The following ATP9B variants were observed in gnomAD, a reference collection of about 807,000 sequenced individuals.
ATP9B encodes the protein ATPase phospholipid transporting 9B.
A neutral mutation model predicts 146.1 loss-of-function variants in ATP9B; 110 were observed. The ratio of observed to expected loss-of-function variants is 0.75; its 90% CI spans 0.65 to 0.88. The LOEUF (loss-of-function observed/expected upper bound fraction) is 0.88. Among genes scored for constraint, ATP9B ranks in the 40% least tolerant of loss-of-function variants. The pLI is 0.00. For missense variants in ATP9B, 1,499 were observed against 1,496.4 expected, an observed-to-expected ratio of 1.00 and a Z score of -0.03; for synonymous variants, 604 against 569.7, an observed-to-expected ratio of 1.06 and a Z score of -0.86.
intron 1 of ATP9B, among the ~76,000 whole-genome samples, chr18:79,071,398 C>CTTTT (rs747150962): frequency 1.3e-4 from 3 of 22,412 alleles, no homozygotes; most frequent in Non-Finnish European, 1.6e-4. Flanking sequence ...TATTGTTCTT[C>CTTTT]CTTTTTTTTT....
intron 8 of ATP9B, among the ~76,000 whole-genome samples, chr18:79,187,973 C>G (rs1049228273): frequency 6.6e-6 from 1 of 152,092 alleles, no homozygotes; most frequent in African/African-American, 2.4e-5. Context: ...TTACAACTCT[C>G]CAGTCCCTTT....
intron 10 of ATP9B, among the ~76,000 whole-genome samples, chr18:79,212,480 T>G (rs1036968148): frequency 1.3e-5 from 2 of 152,238 alleles, no homozygotes; most frequent in African/African-American, 4.8e-5. Flanking sequence ...GCAAAGCCTT[T>G]TCTGAGATTT....
chr18:79,265,364 T>G (rs2096192049), intron 12 of ATP9B, among the ~76,000 whole-genome samples: 1 of 152,190 alleles, frequency 6.6e-6, no homozygotes, highest in South Asian at 2.1e-4. Flanking sequence ...TGGGCTGGTC[T>G]CAAACTCCTG....
intron 9 of ATP9B, among the ~76,000 whole-genome samples, chr18:79,199,173 G>A (rs533423528): frequency 2.6e-5 from 4 of 151,798 alleles, no homozygotes; most frequent in South Asian, 4.2e-4. Flanking sequence ...GGCTGGTCTC[G>A]AACTCCTGAC....
intron 25 of ATP9B, chr18:79,353,458 G>T (rs1028965094): frequency 2.6e-5 from 4 of 152,260 alleles, no homozygotes; most frequent in Non-Finnish European, 5.9e-5. Flanking sequence ...GAGCTGCATT[G>T]TGTCCATAGT....
chr18:79,344,352 G>A lies in ATP9B; in HGVS notation c.2470G>A (p.Glu824Lys). Residue 824 changes from glutamate to lysine, a missense_variant and splice_region_variant, in exon 21 of 30, where the codon GAG (glutamate) becomes AAG (lysine). By Grantham distance (56) the Glu-to-Lys change is moderately conservative. Coordinates refer to ENST00000426216, the MANE Select transcript of ATP9B (RefSeq NM_198531.5). ...ACTAGTCATATCTGGGGACTCTCTG[G>A]AGGTAAGGCTGGACCCTGAGTGAGT... ...CALVISGDSL[E>K]VCLKYYEHEF... 1 of 1,614,118 alleles carries A rather than the reference G, an allele frequency of 6.2e-7. No homozygotes were observed. The highest frequency in any genetic ancestry group is 8.5e-7 in the Non-Finnish European group (1 of 1,179,964).
At chr18:79,294,811 G>A (rs1016604337) in intron 13 of ATP9B, among the ~76,000 whole-genome samples, 36 of 152,156 alleles carry the variant, frequency 2.4e-4, no homozygotes, top group African/African-American at 4.8e-4. Context: ...TTTCAGCAGC[G>A]CCAAGAGGAG....
chr18:79,106,795 G>C (rs2075678537), intron 2 of ATP9B, among the ~76,000 whole-genome samples: 1 of 152,226 alleles, frequency 6.6e-6, no homozygotes, highest in Non-Finnish European at 1.5e-5. Context: ...TCGAGTGAGA[G>C]TGATGTCAGT....
chr18:79,072,756 A>G (rs1040293906), intron 1 of ATP9B, among the ~76,000 whole-genome samples: 13 of 138,846 alleles, frequency 9.4e-5, no homozygotes, highest in Admixed American at 2.1e-4. Context: ...CCCACCTCCC[A>G]GACGGGGCGG....
At chr18:79,325,588 C>G (rs1315119860) in intron 15 of ATP9B, among the ~76,000 whole-genome samples, 1 of 152,194 alleles carries the variant, frequency 6.6e-6, no homozygotes, top group Non-Finnish European at 1.5e-5. Flanking sequence ...TGGGAAGTCA[C>G]CTGAGGTCAC....
intron 1 of ATP9B, among the ~76,000 whole-genome samples, chr18:79,074,776 G>A (rs1169434783): frequency 6.6e-6 from 1 of 152,240 alleles, no homozygotes; most frequent in African/African-American, 2.4e-5. Flanking sequence ...TTTATAGTTG[G>A]ACTTAACTGG....
chr18:79,327,677 G>T (rs74496026), intron 15 of ATP9B, among the ~76,000 whole-genome samples: 777 of 29,786 alleles, frequency 0.026, 13 homozygotes, highest in Admixed American at 0.037. Context: ...GCTCTCCGTG[G>T]TTAGCGTGCT....
intron 3 of ATP9B, among the ~76,000 whole-genome samples, chr18:79,110,712 C>G (rs1046544695): frequency 6.6e-6 from 1 of 152,110 alleles, no homozygotes; most frequent in African/African-American, 2.4e-5. Context: ...TAGAGTTCAG[C>G]TCAAGAAAAT....
At chr18:79,203,805 C>T (rs2095510428) in intron 9 of ATP9B, among the ~76,000 whole-genome samples, 1 of 152,160 alleles carries the variant, frequency 6.6e-6, no homozygotes. Flanking sequence ...AAGGATATAC[C>T]GTGTCAACCG....
At chr18:79,107,032 TTGTC>T (rs1227674116) in intron 2 of ATP9B, among the ~76,000 whole-genome samples, 3 of 152,248 alleles carry the variant, frequency 2.0e-5, no homozygotes, top group Non-Finnish European at 4.4e-5. Flanking sequence ...CATTTTGAAT[TTGTC>T]TGACTTTTGT....
At chr18:79,266,203 A>T (rs6506745) in intron 12 of ATP9B, among the ~76,000 whole-genome samples, 2 of 152,044 alleles carry the variant, frequency 1.3e-5, no homozygotes, top group Non-Finnish European at 2.9e-5. Flanking sequence ...TTGTTAGAGC[A>T]GTTCTTAGAT....
chr18:79,112,504 A>C (rs1300249151), intron 3 of ATP9B, among the ~76,000 whole-genome samples: 2 of 152,176 alleles, frequency 1.3e-5, no homozygotes, highest in African/African-American at 4.8e-5. Flanking sequence ...TGAATGATGA[A>C]ATTTCTTTTA....
intron 1 of ATP9B, among the ~76,000 whole-genome samples, chr18:79,084,066 C>T (rs1189092168): frequency 2.0e-5 from 3 of 151,854 alleles, no homozygotes; most frequent in Non-Finnish European, 4.4e-5. Flanking sequence ...ACCATGTTGG[C>T]CAGGATGGTC....
chr18:79,175,338 T>C (rs899441809), intron 7 of ATP9B, among the ~76,000 whole-genome samples: 5 of 152,080 alleles, frequency 3.3e-5, no homozygotes, highest in African/African-American at 1.2e-4. Flanking sequence ...AAAAGTTTGG[T>C]GTAATTTGGC....
Sources: allele counts gnomAD v4.1 joint callset (sites outside exome capture counted in the v4.1 genomes callset), GRCh38; gene constraint gnomAD v4.1.1; transcripts MANE v1.5; gene names NCBI Gene and HGNC (gene_info 2026-07-23, HGNC 2026-07-21).